RP1: variants seen among roughly 807,000 people sequenced by gnomAD.
RP1 encodes the protein oxygen-regulated protein 1.
In RP1, 16 loss-of-function variants were observed where a neutral mutation model predicts 14.8. The ratio of observed to expected loss-of-function variants is 1.08; its 90% CI spans 0.73 to 1.65. The LOEUF (loss-of-function observed/expected upper bound fraction) is 1.65. Among genes scored for constraint, RP1 ranks in the 40% most tolerant of loss-of-function variants. The pLI is 0.00. For missense variants in RP1, 2,631 were observed against 2,535.0 expected, an observed-to-expected ratio of 1.04 and a Z score of -0.81; for synonymous variants, 876 against 883.6, an observed-to-expected ratio of 0.99 and a Z score of 0.15.
chr8:54,562,870 C>A (rs1344404332), intron 1 of RP1, among the ~76,000 whole-genome samples: 1 of 152,184 alleles, frequency 6.6e-6, no homozygotes, highest in African/African-American at 2.4e-5. Context: ...CCAGGGAGTT[C>A]TGTGCAAAGA....
intron 25 of RP1, among the ~76,000 whole-genome samples, chr8:54,842,387 G>A (rs1292844695): frequency 1.3e-5 from 2 of 152,152 alleles, no homozygotes; most frequent in African/African-American, 4.8e-5. Context: ...CTCTTTTTGA[G>A]AGCAAAGAAG....
intron 15 of RP1, among the ~76,000 whole-genome samples, chr8:54,717,661 C>A (rs2129349356): frequency 6.6e-6 from 1 of 152,204 alleles, no homozygotes. Context: ...TAGTGAGAAA[C>A]TGGATGCTTT....
intron 7 of RP1, among the ~76,000 whole-genome samples, chr8:54,665,878 A>G (rs1390974173): frequency 6.6e-6 from 1 of 152,294 alleles, no homozygotes; most frequent in South Asian, 2.1e-4. Flanking sequence ...CATTAGGTGT[A>G]CACTCAAACC....
intron 9 of RP1, chr8:54,679,383 A>C: frequency 2.7e-6 from 4 of 1,499,194 alleles, no homozygotes; most frequent in Non-Finnish European, 3.6e-6. Context: ...TGTAAATATA[A>C]AGTCTGAAAA....
chr8:54,635,081 CA>C (rs764704971), downstream of RP1, among the ~76,000 whole-genome samples: 1,610 of 91,926 alleles, frequency 0.018, 24 homozygotes, highest in African/African-American at 0.047. Context: ...GACTCCATCT[CA>C]AAAAAAAAAA....
At chr8:54,848,944 T>C (rs1224783256) in intron 25 of RP1, among the ~76,000 whole-genome samples, 1 of 152,146 alleles carries the variant, frequency 6.6e-6, no homozygotes, top group Non-Finnish European at 1.5e-5. Flanking sequence ...AGATGGGGTT[T>C]CTCCACATTG....
At chr8:54,732,172 C>T (rs984860784) in intron 17 of RP1, among the ~76,000 whole-genome samples, 1 of 152,168 alleles carries the variant, frequency 6.6e-6, no homozygotes, top group Non-Finnish European at 1.5e-5. Context: ...GGAATGCTGT[C>T]CCCTCTGTTT....
intron 23 of RP1, among the ~76,000 whole-genome samples, chr8:54,777,479 C>G (rs982956618): frequency 1.3e-5 from 2 of 152,194 alleles, no homozygotes; most frequent in African/African-American, 4.8e-5. Flanking sequence ...AAATTGAGCA[C>G]TGGTCGAAAC....
At chr8:54,734,692 G>A (rs1808876151) in exon 18 of RP1, 15 of 1,535,516 alleles carry the variant, frequency 9.8e-6, no homozygotes, top group South Asian at 3.6e-5. Flanking sequence ...ATAAGTCTTC[G>A]CAAGGACAGC....
chr8:54,715,065 C>A (rs1223745571), intron 15 of RP1, among the ~76,000 whole-genome samples: 1 of 152,238 alleles, frequency 6.6e-6, no homozygotes, highest in Admixed American at 6.5e-5. Flanking sequence ...ATATCCCAAA[C>A]TGTACAGCAA....
At chr8:54,637,419 G>A (rs1806372104) in intron 3 of RP1, among the ~76,000 whole-genome samples, 1 of 152,146 alleles carries the variant, frequency 6.6e-6, no homozygotes, top group Non-Finnish European at 1.5e-5. Context: ...TTTTTCAATG[G>A]TGAACTCTTC....
At chr8:54,687,484 C>CT (rs1563347830) in intron 12 of RP1, among the ~76,000 whole-genome samples, 3 of 151,966 alleles carry the variant, frequency 2.0e-5, no homozygotes, top group Non-Finnish European at 4.4e-5. Flanking sequence ...TGACAGGCCC[C>CT]GGTTTGTGAT....
At chr8:54,792,833 TA>T (rs1374893145) in intron 24 of RP1, among the ~76,000 whole-genome samples, 3 of 149,490 alleles carry the variant, frequency 2.0e-5, no homozygotes, top group Non-Finnish European at 4.5e-5. Flanking sequence ...AAGGAAACAA[TA>T]AAGATTAGAA....
intron 22 of RP1, among the ~76,000 whole-genome samples, chr8:54,760,075 A>C (rs1234862922): frequency 6.6e-6 from 1 of 152,234 alleles, no homozygotes; most frequent in Non-Finnish European, 1.5e-5. Context: ...TCAACTAAAA[A>C]TCCTAAAGGC....
intron 14 of RP1, among the ~76,000 whole-genome samples, chr8:54,705,803 A>T: frequency 6.8e-6 from 1 of 147,660 alleles, no homozygotes; most frequent in Non-Finnish European, 1.5e-5. Flanking sequence ...CTAGAGGAAC[A>T]GATATCCAAT....
intron 23 of RP1, among the ~76,000 whole-genome samples, chr8:54,775,885 G>T (rs916417035): frequency 3.3e-5 from 5 of 152,150 alleles, no homozygotes; most frequent in African/African-American, 1.2e-4. Context: ...TCTGAAAGTA[G>T]ATTTGAACCT....
chr8:54,561,086 T>G (rs1586383120), intron 1 of RP1: 1 of 149,362 alleles, frequency 6.7e-6, no homozygotes. Context: ...ACTGGGGGGG[T>G]GGCCACTGGA....
intron 22 of RP1, among the ~76,000 whole-genome samples, chr8:54,766,987 G>A (rs1000619898): frequency 6.6e-6 from 1 of 152,108 alleles, no homozygotes; most frequent in Admixed American, 6.6e-5. Context: ...GGCTTTGGGG[G>A]AATTTTCTTG....
chr8:54,683,568 G>A (rs546506819), intron 12 of RP1, among the ~76,000 whole-genome samples: 2 of 152,086 alleles, frequency 1.3e-5, no homozygotes, highest in Non-Finnish European at 2.9e-5. Context: ...TGTAGCAATC[G>A]TGAATGGGAG....
Sources: gnomAD v4.1 joint callset for allele counts (sites outside exome capture counted in the v4.1 genomes callset) on GRCh38, gnomAD v4.1.1 for gene constraint, MANE v1.5 for transcripts, NCBI Gene and HGNC (gene_info 2026-07-23, HGNC 2026-07-21) for gene names.